The following FBN3 variants were observed in gnomAD, a reference collection of about 807,000 sequenced individuals.
The protein encoded by FBN3 is fibrillin-3.
FBN3 carries 234 observed loss-of-function variants against 330.1 expected under a neutral mutation model. The ratio of observed to expected loss-of-function variants is 0.71; its 90% CI spans 0.64 to 0.79. The LOEUF is 0.79. FBN3 is among the 30% of genes least tolerant of loss of function. The pLI is 0.00. For missense variants in FBN3, 3,606 were observed against 3,886.9 expected (o/e 0.93, Z 1.92); for synonymous variants, 1,458 against 1,517.3 (o/e 0.96, Z 0.91).
At chr19:8,140,016 G>A (rs1455801868) in intron 8 of FBN3, among the ~76,000 whole-genome samples, 1 of 152,066 alleles carries the variant, frequency 6.6e-6, no homozygotes, top group Non-Finnish European at 1.5e-5. Flanking sequence ...GCCCCTCAAA[G>A]GGGACTGGGC....
rs1334277627 is a variant in FBN3 at position 8,111,701 on chromosome 19, G to A, written c.4031C>T (p.Ser1344Phe). The part of the protein sequence containing the change: ...PRGDCLNVPG[S>F]YRCTCRQGFA... ...GCCCTGGCGGCAGGTGCAGCGGTAGGAGCCAGGGACATTGAGACAGTCACC... is the reference window on the plus strand; with the variant it reads ...GCCCTGGCGGCAGGTGCAGCGGTAGAAGCCAGGGACATTGAGACAGTCACC... Residue 1344 changes from serine to phenylalanine, a missense_variant, in exon 32 of 64, where the codon TCC becomes TTC. By Grantham distance (155) the Ser-to-Phe change is radical. Coordinates refer to ENST00000600128, the MANE Select transcript of FBN3 (RefSeq NM_032447.5). The A allele has an allele frequency of 1.2e-6, 2 of 1,612,242 alleles. No individual in the cohort carries two copies. The highest frequency in any genetic ancestry group is 1.7e-6 in the Non-Finnish European group (2 of 1,178,942).
intron 51 of FBN3, among the ~76,000 whole-genome samples, chr19:8,088,859 ATGAGTGAATGAGTAAATGAATGAG>A (rs2082026712): frequency 1.3e-5 from 2 of 152,134 alleles, no homozygotes; most frequent in African/African-American, 4.8e-5. Flanking sequence ...AAACGAGTGA[ATGAGTGAATGAGTAAATGAATGAG>A]TGAGTGAATG....
intron 10 of FBN3, 130 bp from the exon 11 acceptor site, chr19:8,136,661 C>T: frequency 8.1e-7 from 1 of 1,233,080 alleles, no homozygotes; most frequent in Non-Finnish European, 1.1e-6. Flanking sequence ...AGATCCTGCC[C>T]TCTTTCTCAT....
Position 8,123,482 on chromosome 19 carries a change from G to A in FBN3, c.3064C>T (p.Gln1022Ter), listed in dbSNP as rs1272638607. The change falls in exon 24 of 64, where the codon CAG becomes TAG. Residue 1022 changes from glutamine to a stop codon, truncating the protein, a stop_gained. Transcript: ENST00000600128. LOFTEE classifies it high-confidence loss of function. ...ACAGGFALDA[Q>*]ERNCTDIDEC... ...CACCTACCTGTGCAGTTCCGTTCCT[G>A]GGCATCCAGGGCGAAGCCCCCCGCA... 2 of 1,613,832 alleles carry A rather than the reference G, an allele frequency of 1.2e-6. No individual in the cohort carries two copies. Among genetic ancestry groups the A allele is most frequent in the Non-Finnish European group, 8.5e-7 (1 of 1,179,890 alleles).
In FBN3 at chr19:8,111,203, G is replaced by A. The variant is rs1175759699; in HGVS notation, c.4085-20C>T. On this transcript the variant is annotated intron_variant, in intron 32 of 63. Coordinates refer to ENST00000600128, the MANE Select transcript of FBN3 (RefSeq NM_032447.5). ...CCCTGTCTGAGGGGCCCCAAGATTC[G>A]GAGGGCTGGAGGCCGGTGGACCAGG... 8.9e-6 allele frequency: 14 copies of A among 1,571,668 alleles called. No homozygotes were observed. Among genetic ancestry groups the A allele is most frequent in the East Asian group, 6.7e-5 (3 of 44,572 alleles).
chr19:8,115,501 G>A lies in FBN3; in HGVS notation c.3838+14C>T, dbSNP rs370626252. 199 of 1,612,942 alleles carry A rather than the reference G, an allele frequency of 1.2e-4. No homozygotes were observed. Among genetic ancestry groups the A allele is most frequent in the Non-Finnish European group, 1.6e-4 (184 of 1,179,938 alleles). ...GGGAGTCCCCTCTGCCTGCACCGCTGACCGCCGGCTCACCAGAGCAGCCTG... is the reference window on the plus strand; with the variant it reads ...GGGAGTCCCCTCTGCCTGCACCGCTAACCGCCGGCTCACCAGAGCAGCCTG... On this transcript the variant is annotated intron_variant, in intron 30 of 63. Transcript: ENST00000600128.
At chr19:8,126,444 G>C (rs1056270077) in intron 20 of FBN3, 24 bp downstream of exon 20, 1 of 1,605,854 alleles carries the variant, frequency 6.2e-7, no homozygotes, top group East Asian at 2.2e-5. Flanking sequence ...ATGGGTGCCT[G>C]GGAGGCCTCA....
At chr19:8,139,150 G>A (rs2083356657) in intron 8 of FBN3, among the ~76,000 whole-genome samples, 1 of 151,770 alleles carries the variant, frequency 6.6e-6, no homozygotes, top group Admixed American at 6.6e-5. Context: ...AGTTCAAGAA[G>A]AGCCTGGCCA....
intron 24 of FBN3, 73 bp downstream of exon 24, chr19:8,123,391 C>CTCTACGTCTTATT: frequency 6.7e-7 from 1 of 1,488,860 alleles, no homozygotes; most frequent in Non-Finnish European, 9.2e-7. Flanking sequence ...CAGGTGTTGT[C>CTCTACGTCTTATT]TCTACGTCTT....
intron 59 of FBN3, among the ~76,000 whole-genome samples, chr19:8,077,905 C>T (rs1169364108): frequency 6.6e-6 from 1 of 152,182 alleles, no homozygotes; most frequent in African/African-American, 2.4e-5. Flanking sequence ...GGCAAAACCC[C>T]GTCTCTACAA....
At chr19:8,135,840 A>G in intron 13 of FBN3, 121 bp downstream of exon 13, 1 of 1,107,774 alleles carries the variant, frequency 9.0e-7, no homozygotes, top group Non-Finnish European at 1.3e-6. Context: ...TTCAGAGGTG[A>G]GCAGAGGAGA....
intron 63 of FBN3, among the ~76,000 whole-genome samples, chr19:8,069,204 C>G (rs531725522): frequency 3.9e-4 from 60 of 152,198 alleles, no homozygotes; most frequent in African/African-American, 1.2e-3. Context: ...TGCATCTGGC[C>G]CTCTTTGAGA....
rs751765755 is a variant in FBN3, at chr19:8,129,196, G to A, written c.2171-43C>T. Reference sequence around the variant, plus strand: ...GAGAGAGGGGTGAGGGGTCTGCAGTGGGAGAGGCTGCCCACACATCCGCCC... The same window carrying A: ...GAGAGAGGGGTGAGGGGTCTGCAGTAGGAGAGGCTGCCCACACATCCGCCC... On this transcript the variant is annotated intron_variant, in intron 17 of 63. Coordinates refer to ENST00000600128, the MANE Select transcript of FBN3 (RefSeq NM_032447.5). This position sits in a 1 kb window ranked among gnomAD's most constrained non-coding sequence, Gnocchi z 4.5. 4 of 1,612,440 alleles carry A rather than the reference G, an allele frequency of 2.5e-6. No individual in the cohort carries two copies. The South Asian group carries it at 4.4e-5, about 18-fold the overall frequency.
In FBN3 at chr19:8,146,219, C is replaced by G. The variant is rs1470982495; in HGVS notation, c.257G>C (p.Cys86Ser). 4 of 1,592,258 alleles carry G rather than the reference C, an allele frequency of 2.5e-6. No homozygotes were observed. Among genetic ancestry groups the G allele is most frequent in the Non-Finnish European group, 3.4e-6 (4 of 1,170,900 alleles). Residue 86 changes from cysteine (C) to serine (S), a missense_variant, in exon 4 of 64, where the codon TGT (cysteine) becomes TCT (serine). Cys to Ser is a moderately radical substitution (Grantham distance 112). Coordinates refer to ENST00000600128, the MANE Select transcript of FBN3 (RefSeq NM_032447.5). ...GAAGCCTTCACCGCAGGCGCGCCTA[C>G]AGATGGCTGGATGAGTGCAGCGGGT... ...PGRSQCVVPI[C>S]RRACGEGFCS... is the part of the protein sequence containing the mutation.
At chr19:8,077,354 T>C (rs2081664739) in intron 59 of FBN3, among the ~76,000 whole-genome samples, 1 of 152,046 alleles carries the variant, frequency 6.6e-6, no homozygotes, top group Non-Finnish European at 1.5e-5. Context: ...GAGTCTCTCT[T>C]GGGGTCGGGC....
chr19:8,123,147 A>G (rs1206485030), intron 24 of FBN3, among the ~76,000 whole-genome samples: 1 of 151,856 alleles, frequency 6.6e-6, no homozygotes, highest in Non-Finnish European at 1.5e-5. Flanking sequence ...TGAGGTCGGG[A>G]GTTCAAGTCC....
chr19:8,109,138 C>T lies in FBN3; in HGVS notation c.4618+89G>A. ...TTGGTTTTCCTGTCGCCTAAGCCCCCCACCACCGCCATTAGCAGAGGTGAC... is the reference window on the plus strand; with the variant it reads ...TTGGTTTTCCTGTCGCCTAAGCCCCTCACCACCGCCATTAGCAGAGGTGAC... On this transcript the variant is annotated intron_variant, in intron 36 of 63. Coordinates refer to ENST00000600128, the MANE Select transcript of FBN3 (RefSeq NM_032447.5). The surrounding 1 kb of genome is among the most constrained non-coding windows in gnomAD (Gnocchi z 5.2). 1.5e-6 allele frequency: 2 copies of T among 1,319,504 alleles called. No individual in the cohort carries two copies. The highest frequency in any genetic ancestry group is 1.4e-5 in the South Asian group (1 of 71,998). 81.7% of individuals were successfully genotyped at this position (1,319,504 alleles called of 1,614,324 possible). A position where few individuals can be genotyped will look rare whatever the true frequency, so the allele number is the denominator to read the frequency against.
At chr19:8,078,668 G>C (rs1370655194) in intron 59 of FBN3, among the ~76,000 whole-genome samples, 1 of 151,730 alleles carries the variant, frequency 6.6e-6, no homozygotes, top group Non-Finnish European at 1.5e-5. Flanking sequence ...TCCTGCCTCA[G>C]CCTCCCAAAA....
At chr19:8,135,936 G>GGGGGGGGGGGGGGCCCCCCC in intron 13 of FBN3, 25 bp downstream of exon 13, 35 of 668,642 alleles carry the variant, frequency 5.2e-5, no homozygotes, top group Non-Finnish European at 6.5e-5. Flanking sequence ...GGAAGCCCCT[G>GGGGGGGGGGGGGGCCCCCCC]CCCACCCGCC....
Sources: allele counts gnomAD v4.1 joint callset (sites outside exome capture counted in the v4.1 genomes callset), GRCh38; gene constraint gnomAD v4.1.1; non-coding constraint Gnocchi (gnomAD v3.1); transcripts MANE v1.5; gene names NCBI Gene and HGNC (gene_info 2026-07-23, HGNC 2026-07-21).